LRRC71: variants seen among roughly 807,000 people sequenced by gnomAD.
LRRC71 encodes the protein leucine rich repeat containing 71.
A neutral mutation model predicts 66.6 loss-of-function variants in LRRC71; 54 were observed. The ratio of observed to expected loss-of-function variants is 0.81; its 90% CI spans 0.65 to 1.02. LRRC71 has a LOEUF of 1.02. Among genes scored for constraint, LRRC71 ranks in the 50% least tolerant of loss-of-function variants. LRRC71 has a pLI of 0.00. For missense variants in LRRC71, 724 were observed against 718.0 expected (o/e 1.01, Z -0.10); for synonymous variants, 323 against 303.9 (o/e 1.06, Z -0.65).
intron 1 of LRRC71, chr1:156,921,754 CA>C: frequency 2.0e-6 from 1 of 501,616 alleles, no homozygotes; most frequent in Non-Finnish European, 2.6e-6. Flanking sequence ...CACACACACA[CA>C]CACACACAGA....
In LRRC71 at chr1:156,924,486, C is replaced by T. The variant is rs1557782298; in HGVS notation, c.373C>T (p.Arg125Trp). 4 of 1,551,332 alleles carry T rather than the reference C, an allele frequency of 2.6e-6. No homozygotes were observed. Among genetic ancestry groups the T allele is most frequent in the South Asian group, 2.4e-5 (2 of 84,060 alleles). Residue 125 changes from arginine to tryptophan, a missense_variant, in exon 3 of 15, where the codon CGG becomes TGG. Coordinates refer to ENST00000337428, the MANE Select transcript of LRRC71 (RefSeq NM_144702.3). ...CCTGGAGAGCAAATACGTGTTCTTC[C>T]GGCCCACCATCCAGGTGGAGCTGGA... Reference protein sequence around the residue: ...NSLESKYVFFRPTIQVELEQE... With the variant: ...NSLESKYVFFWPTIQVELEQE...
At chr1:156,929,565 G>T in intron 10 of LRRC71, 71 bp from the exon 11 acceptor site, 1 of 1,535,350 alleles carries the variant, frequency 6.5e-7, no homozygotes, top group Admixed American at 2.0e-5. Flanking sequence ...CCTAACCTGG[G>T]CTCCTTCCCT....
At position 156,927,225 on chromosome 1, in the gene LRRC71, C is replaced by A. The variant is rs758705596; in HGVS notation, c.617C>A (p.Pro206Gln). 1 of 1,613,364 alleles carries A rather than the reference C, an allele frequency of 6.2e-7. No homozygotes were observed. The highest frequency in any genetic ancestry group is 1.3e-5 in the African/African-American group (1 of 74,902). ...TLRKVSLEGN[P>Q]LPEQSYHKLM... Reference sequence around the variant, plus strand: ...AGGAAGGTGTCTCTGGAGGGGAACCCACTGCCGGAGCAGTCCTATCACAAG... The same window carrying A: ...AGGAAGGTGTCTCTGGAGGGGAACCAACTGCCGGAGCAGTCCTATCACAAG... Residue 206 changes from proline (P) to glutamine (Q), a missense_variant, in exon 6 of 15, where the codon CCA (proline) becomes CAA (glutamine). By Grantham distance (76) the Pro-to-Gln change is moderately conservative. Coordinates refer to ENST00000337428, the MANE Select transcript of LRRC71 (RefSeq NM_144702.3).
intron 1 of LRRC71, 131 bp downstream of exon 1, chr1:156,921,094 G>C: frequency 2.6e-6 from 3 of 1,133,618 alleles, no homozygotes; most frequent in Non-Finnish European, 3.5e-6. Context: ...ATCTCGGCTT[G>C]ATAGATGTTT....
chr1:156,930,668 G>C (rs546432822), intron 12 of LRRC71, 51 bp downstream of exon 12: 1 of 1,506,742 alleles, frequency 6.6e-7, no homozygotes, highest in African/African-American at 1.4e-5. Context: ...GGGATTCCAG[G>C]CTTGCCTGAG....
chr1:156,920,985 G>T lies in LRRC71; in HGVS notation c.160+22G>T. 6.7e-7 allele frequency: 1 copy of T among 1,484,114 alleles called. No individual in the cohort carries two copies. The highest frequency in any genetic ancestry group is 1.3e-5 in the South Asian group (1 of 74,964). 91.9% of individuals were successfully genotyped at this position (1,484,114 alleles called of 1,614,324 possible). ...CCTGGTACGCTGGCGCCGGGGTTTG[G>T]GGATCGGGCTTCCAGGCTGCGTCTT... On this transcript the variant is annotated intron_variant, in intron 1 of 14. Transcript: ENST00000337428. This position sits in a 1 kb window ranked among gnomAD's most constrained non-coding sequence, Gnocchi z 4.9.
At chr1:156,936,041 C>T (rs773443279), downstream of LRRC71, 1 of 1,613,950 alleles carries the variant, frequency 6.2e-7, no homozygotes, top group South Asian at 1.1e-5. Flanking sequence ...GTGCTGTCTT[C>T]CAGGGGGGCG....
intron 6 of LRRC71, 65 bp downstream of exon 6, chr1:156,927,335 C>T: frequency 1.9e-6 from 3 of 1,573,230 alleles, no homozygotes; most frequent in Non-Finnish European, 1.7e-6. Context: ...CATTTTTAGT[C>T]CCCGCCCTTC....
At chr1:156,930,414 A>C in intron 11 of LRRC71, 115 bp from the exon 12 acceptor site, 1 of 850,144 alleles carries the variant, frequency 1.2e-6, no homozygotes. Context: ...TTTCTATTGC[A>C]CCCAAACCCA....
At chr1:156,928,358 T>C (rs1653577354) in intron 9 of LRRC71, among the ~76,000 whole-genome samples, 1 of 142,318 alleles carries the variant, frequency 7.0e-6, no homozygotes, top group Non-Finnish European at 1.5e-5. Flanking sequence ...TTTCTCTTCT[T>C]CTTCCTCTTC....
At chr1:156,930,100 T>TCTC (rs67900295) in intron 11 of LRRC71, among the ~76,000 whole-genome samples, 8 of 46,402 alleles carry the variant, frequency 1.7e-4, no homozygotes, top group Admixed American at 7.4e-4. Context: ...TTTCTCTCTC[T>TCTC]TTTTTTTTTT....
Position 156,932,886 on chromosome 1 carries a change from G to A in LRRC71, c.1597G>A (p.Ala533Thr), listed in dbSNP as rs11264585. The A allele has an allele frequency of 4.0e-3, 6,368 of 1,608,442 alleles. 231 individuals carry two copies. In the African/African-American group the frequency reaches 0.074, roughly 19 times the overall value. Residue 533 changes from alanine (A) to threonine (T), a missense_variant, in exon 15 of 15, where the codon GCC (alanine) becomes ACC (threonine). Transcript: ENST00000337428. Reference protein sequence around the residue: ...NCFAPQCPAYAIIQELMLPRD... With the variant: ...NCFAPQCPAYTIIQELMLPRD... ...CTTCGCCCCACAATGTCCTGCGTAC[G>A]CCATAATCCAGGAGCTGATGTTGCC...
intron 6 of LRRC71, 75 bp from the exon 7 acceptor site, chr1:156,927,421 G>A: frequency 2.0e-6 from 3 of 1,515,436 alleles, no homozygotes; most frequent in Admixed American, 2.1e-5. Flanking sequence ...CCCCTCAAGC[G>A]CTCAAGTCTC....
At chr1:156,922,503 T>C (rs2101590588) in intron 1 of LRRC71, among the ~76,000 whole-genome samples, 1 of 152,258 alleles carries the variant, frequency 6.6e-6, no homozygotes, top group South Asian at 2.1e-4. Flanking sequence ...TCCTATCTAA[T>C]GGCTTTTATT....
downstream of LRRC71, chr1:156,935,494 A>G (rs1654888825): frequency 6.5e-6 from 1 of 152,806 alleles, no homozygotes; most frequent in Non-Finnish European, 1.5e-5. Context: ...AAAAAAGGTC[A>G]AAGTTATTTA....
At chr1:156,921,535 C>A in intron 1 of LRRC71, 1 of 677,302 alleles carries the variant, frequency 1.5e-6, no homozygotes, top group Non-Finnish European at 1.8e-6. Flanking sequence ...TCTCTGGAAT[C>A]GAAGTAAAAC....
At chr1:156,924,619 C>A in intron 3 of LRRC71, 24 bp from the exon 4 acceptor site, 2 of 1,541,584 alleles carry the variant, frequency 1.3e-6, no homozygotes, top group Non-Finnish European at 1.8e-6. Flanking sequence ...AGGTCTGAGG[C>A]ACCTGCCTCC....
At chr1:156,929,253 C>G (rs751680137) in intron 9 of LRRC71, 27 bp from the exon 10 acceptor site, 2 of 1,580,878 alleles carry the variant, frequency 1.3e-6, no homozygotes, top group Admixed American at 3.6e-5. Context: ...GGCTTCTTCC[C>G]CCCTTCCCTC....
chr1:156,929,539 CCCT>C, intron 10 of LRRC71, 94 bp from the exon 11 acceptor site: 1 of 1,544,018 alleles, frequency 6.5e-7, no homozygotes, highest in Non-Finnish European at 8.8e-7. Flanking sequence ...TTGAAGTTCC[CCCT>C]AAGGCCCCGG....
Sources: gnomAD v4.1 joint callset for allele counts (sites outside exome capture counted in the v4.1 genomes callset) on GRCh38, gnomAD v4.1.1 for gene constraint, Gnocchi (gnomAD v3.1) non-coding constraint, MANE v1.5 for transcripts, NCBI Gene and HGNC (gene_info 2026-07-23, HGNC 2026-07-21) for gene names.